The following DOP1A variants were observed in gnomAD, a reference collection of about 807,000 sequenced individuals.
DOP1A encodes the protein protein DOP1A.
DOP1A carries 90 observed loss-of-function variants against 267.6 expected under a neutral mutation model. The ratio of observed to expected loss-of-function variants is 0.34; its 90% CI spans 0.28 to 0.40. The LOEUF is 0.40. Among genes scored for constraint, DOP1A ranks in the 10% least tolerant of loss-of-function variants. DOP1A has a pLI of 1.00. For missense variants in DOP1A, 2,437 were observed against 2,900.4 expected (o/e 0.84, Z 3.67); for synonymous variants, 932 against 999.1 (o/e 0.93, Z 1.27).
intron 1 of DOP1A, among the ~76,000 whole-genome samples, chr6:83,087,128 G>A (rs1017708065): frequency 6.6e-6 from 1 of 152,130 alleles, no homozygotes; most frequent in Non-Finnish European, 1.5e-5. Flanking sequence ...GAGAATATGG[G>A]TATAGGTGAA....
chr6:83,089,543 A>G (rs1769949652), intron 1 of DOP1A, among the ~76,000 whole-genome samples: 1 of 152,238 alleles, frequency 6.6e-6, no homozygotes, highest in South Asian at 2.1e-4. Context: ...AAAGTATTGC[A>G]ACTAAATTGT....
At position 83,124,808 on chromosome 6, in the gene DOP1A, A is replaced by G. The variant is rs542981021; in HGVS notation, c.1444A>G (p.Ile482Val). The G allele has an allele frequency of 3.1e-6, 5 of 1,612,454 alleles. No homozygotes were observed. The East Asian group carries it at 6.7e-5, about 22-fold the overall frequency. Residue 482 changes from isoleucine (I) to valine (V), a missense_variant, in exon 13 of 39, where the codon ATA (isoleucine) becomes GTA (valine). Ile to Val is a conservative substitution (Grantham distance 29). Coordinates refer to ENST00000349129, the MANE Select transcript of DOP1A (RefSeq NM_015018.4). ...FCLLVDFLLD[I>V]VSLPTRSMRV... ...CTTACTGGTGGATTTTTTGTTGGAC[A>G]TAGTTTCTTTGGTAAGACCACCTTG...
chr6:83,068,462 A>G (rs1785069652), intron 1 of DOP1A, among the ~76,000 whole-genome samples: 2 of 152,194 alleles, frequency 1.3e-5, no homozygotes. Context: ...TTCTTAAGCT[A>G]AGTAAATTGT....
chr6:83,091,423 T>C (rs939099675), intron 1 of DOP1A, among the ~76,000 whole-genome samples: 1 of 149,888 alleles, frequency 6.7e-6, no homozygotes, highest in East Asian at 2.0e-4. Flanking sequence ...TATAAACATA[T>C]ATCAAACAAA....
chr6:83,101,228 G>C (rs59057292), intron 4 of DOP1A, among the ~76,000 whole-genome samples: 4,321 of 152,174 alleles, frequency 0.028, 153 homozygotes, highest in East Asian at 0.083. Flanking sequence ...GTGTTAGCCA[G>C]GATGGTCTCG....
chr6:83,068,617 C>A (rs1785093111), intron 1 of DOP1A, among the ~76,000 whole-genome samples: 2 of 152,010 alleles, frequency 1.3e-5, no homozygotes, highest in African/African-American at 4.8e-5. Context: ...ACAAATAGGC[C>A]CTGAACTGTA....
intron 1 of DOP1A, among the ~76,000 whole-genome samples, 172 bp downstream of exon 1, chr6:83,067,951 C>T (rs544324953): frequency 1.3e-5 from 2 of 152,340 alleles, no homozygotes; most frequent in African/African-American, 2.4e-5. Context: ...GGTCGGCCGC[C>T]CTCTGGTTTA....
chr6:83,124,959 G>C (rs1776923654), intron 13 of DOP1A, 140 bp downstream of exon 13: 3 of 863,442 alleles, frequency 3.5e-6, no homozygotes, highest in Non-Finnish European at 5.3e-6. Flanking sequence ...TTTTTCATAA[G>C]ATCTTTCAAG....
In DOP1A at chr6:83,158,596, A is replaced by G. The variant is rs1421218038; in HGVS notation, c.6771A>G (p.Glu2257=). ...LVQVFLLMEQ[E]LTADEDISRT... is the part of the protein sequence containing the mutation. ...AAGTATTTTTACTGATGGAGCAGGA[A>G]CTCACTGCTGATGAAGATATTTCAC... Residue 2257 remains glutamate, a synonymous_variant, in exon 36 of 39, where the codon GAA becomes GAG. Coordinates refer to ENST00000349129, the MANE Select transcript of DOP1A (RefSeq NM_015018.4). 6.2e-7 allele frequency: 1 copy of G among 1,608,326 alleles called. No individual in the cohort carries two copies. Among genetic ancestry groups the G allele is most frequent in the African/African-American group, 1.3e-5 (1 of 74,898 alleles).
intron 20 of DOP1A, among the ~76,000 whole-genome samples, chr6:83,136,591 C>G (rs1446871967): frequency 6.6e-6 from 1 of 152,082 alleles, no homozygotes; most frequent in African/African-American, 2.4e-5. Flanking sequence ...AAGCTGAAAC[C>G]AAACTGTCAT....
chr6:83,144,311 A>T (rs749090679), intron 24 of DOP1A, among the ~76,000 whole-genome samples: 4 of 152,198 alleles, frequency 2.6e-5, no homozygotes, highest in Non-Finnish European at 5.9e-5. Flanking sequence ...AAACCTAGAG[A>T]GTATCAACCC....
At chr6:83,109,788 T>C (rs1774237114) in intron 5 of DOP1A, among the ~76,000 whole-genome samples, 1 of 152,238 alleles carries the variant, frequency 6.6e-6, no homozygotes. Context: ...TATGGTATTT[T>C]ATTACTTAGC....
rs1483912698 is a variant in DOP1A at position 83,099,680 on chromosome 6, A to ACG, written c.139-1025_139-1024insCG. Among the ~76,000 whole-genome samples, 693 of 138,990 alleles carry ACG rather than the reference A, an allele frequency of 5.0e-3. 6 individuals are homozygous for ACG. The highest frequency in any genetic ancestry group is 0.017 in the African/African-American group (670 of 38,376). 91.2% of individuals were successfully genotyped at this position (138,990 alleles called of 152,430 possible). A position where few individuals can be genotyped will look rare whatever the true frequency, so the allele number is the denominator to read the frequency against. ...TGATAGAACAAGGCAAGGATTGCAT[A>ACG]TGTGTGTGTGTGTGTGTGTGTGTGT... is the stretch of plus-strand genomic sequence containing the variant. On this transcript the variant is annotated intron_variant, in intron 3 of 38. Transcript: ENST00000349129.
chr6:83,131,559 A>G lies in DOP1A; in HGVS notation c.2617-617A>G, dbSNP rs560796410. 3.3e-4 allele frequency among the ~76,000 whole-genome samples: 50 copies of G among 152,284 alleles called. 3 individuals are homozygous for G. In the South Asian group the frequency reaches 0.01, roughly 32 times the overall value. The stretch of plus-strand genomic sequence containing the variant: ...AAATTGCATTCAATGTGGGATTTGT[A>G]TCTTATTAAGGATAGTTTATTCTAG... On this transcript the variant is annotated intron_variant, in intron 17 of 38. Transcript: ENST00000349129.
At chr6:83,124,595 CTG>C in intron 12 of DOP1A, 108 bp from the exon 13 acceptor site, 1 of 806,784 alleles carries the variant, frequency 1.2e-6, no homozygotes, top group Non-Finnish European at 2.1e-6. Flanking sequence ...AAAAACATTA[CTG>C]TGTGTGACCC....
chr6:83,087,012 C>T (rs578154923), intron 1 of DOP1A, among the ~76,000 whole-genome samples: 27 of 152,190 alleles, frequency 1.8e-4, no homozygotes, highest in African/African-American at 6.3e-4. Context: ...GGAGCCTGAG[C>T]TAATAGTCCT....
At chr6:83,128,449 G>A (rs1297058501) in intron 15 of DOP1A, among the ~76,000 whole-genome samples, 2 of 152,268 alleles carry the variant, frequency 1.3e-5, no homozygotes, top group Middle Eastern at 6.8e-3. Flanking sequence ...TAATAGCAAA[G>A]ATTTAATTAG....
At chr6:83,079,937 A>G (rs1466229661) in intron 1 of DOP1A, among the ~76,000 whole-genome samples, 6 of 152,158 alleles carry the variant, frequency 3.9e-5, no homozygotes, top group South Asian at 4.1e-4. Flanking sequence ...CTGAATAGCA[A>G]TGCATTCATT....
intron 7 of DOP1A, among the ~76,000 whole-genome samples, chr6:83,118,638 A>G (rs1775862150): frequency 6.6e-6 from 1 of 152,130 alleles, no homozygotes; most frequent in Admixed American, 6.5e-5. Context: ...TATATAGACA[A>G]AGAACTTTAA....
Sources: gnomAD v4.1 joint callset for allele counts (sites outside exome capture counted in the v4.1 genomes callset) on GRCh38, gnomAD v4.1.1 for gene constraint, MANE v1.5 for transcripts, NCBI Gene and HGNC (gene_info 2026-07-23, HGNC 2026-07-21) for gene names.